The following CNTN5 variants were observed in gnomAD, a reference collection of about 807,000 sequenced individuals.
CNTN5 encodes the protein contactin-5.
A neutral mutation model predicts 129.1 loss-of-function variants in CNTN5; 77 were observed. That is an observed-to-expected ratio of 0.60 (90% CI 0.50 to 0.72). The LOEUF is 0.72. CNTN5 is among the 30% of genes least tolerant of loss of function. The probability of loss-of-function intolerance (pLI) is 0.00; values close to 1 mark genes in which losing one functional copy is unlikely to be tolerated. For synonymous variants in CNTN5, 509 were observed against 465.6 expected, an observed-to-expected ratio of 1.09 and a Z score of -1.20; for missense variants, 1,478 against 1,328.8, an observed-to-expected ratio of 1.11 and a Z score of -1.75.
intron 2 of CNTN5, among the ~76,000 whole-genome samples, chr11:99,433,660 T>A (rs771092118): frequency 2.0e-5 from 3 of 151,936 alleles, no homozygotes; most frequent in Non-Finnish European, 4.4e-5. Context: ...TGAAACAGAG[T>A]GATTCAATAA....
intron 1 of CNTN5, among the ~76,000 whole-genome samples, chr11:99,177,153 C>A (rs1857816472): frequency 6.7e-6 from 1 of 149,454 alleles, no homozygotes; most frequent in Non-Finnish European, 1.5e-5. Flanking sequence ...AGCTTTTTTT[C>A]TGGTGCCACC....
chr11:99,757,261 T>C (rs1944434581), intron 3 of CNTN5, among the ~76,000 whole-genome samples: 1 of 152,038 alleles, frequency 6.6e-6, no homozygotes, highest in Non-Finnish European at 1.5e-5. Context: ...TCTGTTTCTA[T>C]ATTTTCTCTC....
At chr11:99,173,848 T>G (rs945629464) in intron 1 of CNTN5, among the ~76,000 whole-genome samples, 1 of 152,228 alleles carries the variant, frequency 6.6e-6, no homozygotes, top group African/African-American at 2.4e-5. Context: ...TAGGCTATTA[T>G]GGCAGCCCAG....
At chr11:99,677,296 A>G (rs1167301442) in intron 3 of CNTN5, among the ~76,000 whole-genome samples, 2 of 146,130 alleles carry the variant, frequency 1.4e-5, no homozygotes, top group South Asian at 4.4e-4. Flanking sequence ...AAAGCTACCA[A>G]TGGTGAATGC....
At chr11:100,197,623 C>T (rs1362529845) in intron 15 of CNTN5, among the ~76,000 whole-genome samples, 1 of 151,950 alleles carries the variant, frequency 6.6e-6, no homozygotes, top group Admixed American at 6.6e-5. Context: ...CATGTGGCCC[C>T]AGAGCCACAG....
At chr11:99,977,399 A>G (rs1437322239) in intron 8 of CNTN5, among the ~76,000 whole-genome samples, 2 of 152,194 alleles carry the variant, frequency 1.3e-5, no homozygotes, top group Non-Finnish European at 2.9e-5. Flanking sequence ...CTTTACAGCA[A>G]TATCTTACTC....
At chr11:99,909,320 G>A (rs1481271376) in intron 6 of CNTN5, among the ~76,000 whole-genome samples, 1 of 152,110 alleles carries the variant, frequency 6.6e-6, no homozygotes, top group Admixed American at 6.6e-5. Flanking sequence ...AACAGGTGCT[G>A]GAGAGGATGT....
At position 100,204,295 on chromosome 11, in the gene CNTN5, CTAATATATATATATATATATAT is replaced by C. The variant is rs1206589123; in HGVS notation, c.1884+10633_1884+10654del. ...TAGCTCACCAAGAAACAAACATTGACTAATATATATATATATATATATATATATATATATATATATATATATA... is the reference window on the plus strand; with the variant it reads ...TAGCTCACCAAGAAACAAACATTGACATATATATATATATATATATATATA... On this transcript the variant is annotated intron_variant, in intron 15 of 24. Coordinates refer to ENST00000524871, the MANE Select transcript of CNTN5 (RefSeq NM_014361.4). Among the ~76,000 whole-genome samples, 23 of 27,708 alleles carry C rather than the reference CTAATATATATATATATATATAT, an allele frequency of 8.3e-4. 2 individuals are homozygous for C. The highest frequency in any genetic ancestry group is 2.6e-3 in the South Asian group (2 of 774). 18.2% of individuals were successfully genotyped at this position (27,708 alleles called of 152,430 possible).
intron 8 of CNTN5, among the ~76,000 whole-genome samples, chr11:99,998,878 C>A (rs1355497712): frequency 3.3e-5 from 5 of 150,224 alleles, no homozygotes; most frequent in Non-Finnish European, 7.4e-5. Context: ...TGATCTTTGA[C>A]AAACCTGACA....
At chr11:100,005,437 CTT>C in intron 9 of CNTN5, among the ~76,000 whole-genome samples, 1 of 152,236 alleles carries the variant, frequency 6.6e-6, no homozygotes, top group Non-Finnish European at 1.5e-5. Flanking sequence ...CTCCAACTCT[CTT>C]TTTTATTTTT....
In CNTN5 at chr11:99,999,296, C is replaced by A. The variant is rs930750768; in HGVS notation, c.878-2738C>A. Reference sequence around the variant, plus strand: ...AATATCCAGAATCTACAATGAACTCCAACAAATTTACAAGAAAAAAACAAA... The same window carrying A: ...AATATCCAGAATCTACAATGAACTCAAACAAATTTACAAGAAAAAAACAAA... On this transcript the variant is annotated intron_variant, in intron 8 of 24. Coordinates refer to ENST00000524871, the MANE Select transcript of CNTN5 (RefSeq NM_014361.4). 1.0e-2 allele frequency among the ~76,000 whole-genome samples: 1,519 copies of A among 152,030 alleles called. 14 individuals carry two copies. The highest frequency in any genetic ancestry group is 0.016 in the Non-Finnish European group (1,079 of 67,974).
intron 1 of CNTN5, among the ~76,000 whole-genome samples, chr11:99,241,131 T>C (rs951616089): frequency 1.3e-5 from 2 of 152,144 alleles, no homozygotes; most frequent in African/African-American, 4.8e-5. Flanking sequence ...AGCCCAGTCT[T>C]TTAATATTAC....
At chr11:99,666,630 C>G (rs2135933610) in intron 3 of CNTN5, among the ~76,000 whole-genome samples, 1 of 152,268 alleles carries the variant, frequency 6.6e-6, no homozygotes. Context: ...AGTCTCCATG[C>G]TCTTTGGTGG....
chr11:99,184,120 A>G (rs1285368465), intron 1 of CNTN5, among the ~76,000 whole-genome samples: 3 of 152,060 alleles, frequency 2.0e-5, no homozygotes, highest in Non-Finnish European at 4.4e-5. Flanking sequence ...TTTAACTTCT[A>G]ATTCATTCTA....
At chr11:99,917,833 C>G (rs1444566529) in intron 7 of CNTN5, among the ~76,000 whole-genome samples, 1 of 152,052 alleles carries the variant, frequency 6.6e-6, no homozygotes, top group Non-Finnish European at 1.5e-5. Flanking sequence ...GTAAGATAAA[C>G]ATAAGATAAG....
At chr11:100,047,202 T>C (rs1201448175) in intron 9 of CNTN5, among the ~76,000 whole-genome samples, 1 of 151,964 alleles carries the variant, frequency 6.6e-6, no homozygotes, top group Non-Finnish European at 1.5e-5. Context: ...GAGCCAGATA[T>C]TGAACTGGGT....
chr11:99,195,465 C>T (rs573174573), intron 1 of CNTN5, among the ~76,000 whole-genome samples: 2 of 152,172 alleles, frequency 1.3e-5, no homozygotes, highest in African/African-American at 4.8e-5. Context: ...ATCAGCAATA[C>T]ATTAAAGCGC....
At chr11:99,340,474 T>G (rs1175313494) in intron 2 of CNTN5, among the ~76,000 whole-genome samples, 2 of 151,978 alleles carry the variant, frequency 1.3e-5, no homozygotes, top group East Asian at 1.9e-4. Flanking sequence ...CTACAGAAAT[T>G]GAAAGAACAA....
At chr11:99,651,220 A>G (rs2135880795) in intron 3 of CNTN5, among the ~76,000 whole-genome samples, 1 of 94,344 alleles carries the variant, frequency 1.1e-5, no homozygotes, top group East Asian at 2.6e-4. Context: ...ATGTTAAAAC[A>G]GAAATCCCAC....
Sources: gnomAD v4.1 joint callset for allele counts (sites outside exome capture counted in the v4.1 genomes callset) on GRCh38, gnomAD v4.1.1 for gene constraint, MANE v1.5 for transcripts, NCBI Gene and HGNC (gene_info 2026-07-23, HGNC 2026-07-21) for gene names.